Variants in PELI2 observed in about 807,000 individuals in gnomAD.
PELI2 encodes pellino E3 ubiquitin protein ligase family member 2.
Under a neutral mutation model 42.3 loss-of-function variants are expected in PELI2, and 23 were observed. The ratio of observed to expected loss-of-function variants is 0.54; its 90% CI spans 0.39 to 0.77. The LOEUF (loss-of-function observed/expected upper bound fraction) is 0.77, where lower values mean the gene tolerates loss of function less well. Ranked by LOEUF, PELI2 falls within the 30% of genes least tolerant of loss-of-function variation. PELI2 has a pLI of 0.00. For missense variants in PELI2, 463 were observed against 553.2 expected (o/e 0.84, Z 1.64); for synonymous variants, 245 against 212.2 (o/e 1.15, Z -1.34).
intron 5 of PELI2, 115 bp downstream of exon 5, chr14:56,290,571 A>G (rs1263355229): frequency 3.2e-6 from 2 of 627,426 alleles, no homozygotes; most frequent in Non-Finnish European, 5.0e-6. Flanking sequence ...AGCGCCATGT[A>G]CTGTAACTCA....
chr14:56,176,713 C>T (rs919190004), intron 1 of PELI2, among the ~76,000 whole-genome samples: 3 of 152,186 alleles, frequency 2.0e-5, no homozygotes, highest in Non-Finnish European at 2.9e-5. Context: ...GGGTCATTCT[C>T]AATCACATTA....
intron 2 of PELI2, among the ~76,000 whole-genome samples, chr14:56,267,350 G>C (rs1318198890): frequency 6.6e-6 from 1 of 152,076 alleles, no homozygotes; most frequent in African/African-American, 2.4e-5. Context: ...TTCAGATTAA[G>C]AAATAGATTC....
chr14:56,144,193 A>G (rs1884023583), intron 1 of PELI2, among the ~76,000 whole-genome samples: 1 of 152,220 alleles, frequency 6.6e-6, no homozygotes, highest in African/African-American at 2.4e-5. Context: ...TTACTACAGC[A>G]TATTTACTAC....
chr14:56,150,739 A>G (rs572802747), intron 1 of PELI2, among the ~76,000 whole-genome samples: 9 of 152,270 alleles, frequency 5.9e-5, no homozygotes, highest in African/African-American at 2.2e-4. Context: ...AAAAACGACA[A>G]AGAAGCCAAG....
intron 1 of PELI2, among the ~76,000 whole-genome samples, chr14:56,146,705 T>G (rs989400552): frequency 6.6e-6 from 1 of 152,310 alleles, no homozygotes; most frequent in Non-Finnish European, 1.5e-5. Flanking sequence ...TCTAGCACAG[T>G]CTTCATTACG....
intron 1 of PELI2, among the ~76,000 whole-genome samples, chr14:56,158,917 T>A (rs1321565613): frequency 6.6e-6 from 1 of 152,214 alleles, no homozygotes; most frequent in Non-Finnish European, 1.5e-5. Context: ...TAATATATAC[T>A]CATTTTTAAA....
chr14:56,210,850 T>C (rs1886688078), intron 2 of PELI2, among the ~76,000 whole-genome samples: 1 of 152,222 alleles, frequency 6.6e-6, no homozygotes, highest in African/African-American at 2.4e-5. Flanking sequence ...CTGTCTGACC[T>C]ATGGCTGAAC....
At chr14:56,274,420 G>T (rs1889218007) in intron 2 of PELI2, among the ~76,000 whole-genome samples, 1 of 152,148 alleles carries the variant, frequency 6.6e-6, no homozygotes, top group African/African-American at 2.4e-5. Flanking sequence ...ACAAATAAAA[G>T]ATTTAATTAT....
In PELI2 at chr14:56,262,856, A is replaced by G. The variant is rs79983020; in HGVS notation, c.208-16820A>G. Among the ~76,000 whole-genome samples, 1,049 of 152,328 alleles carry G rather than the reference A, an allele frequency of 6.9e-3. 10 individuals carry two copies. Among genetic ancestry groups the G allele is most frequent in the African/African-American group, 0.024 (1,009 of 41,556 alleles). On this transcript the variant is annotated intron_variant, in intron 2 of 5. Coordinates refer to ENST00000267460, the MANE Select transcript of PELI2 (RefSeq NM_021255.3). ...CTCTACCAAATACAGCCAGAATGTAAAAGTTTTAATATAGAATATGCTCAA... is the reference window on the plus strand; with the variant it reads ...CTCTACCAAATACAGCCAGAATGTAGAAGTTTTAATATAGAATATGCTCAA...
At chr14:56,167,512 T>C (rs1416508685) in intron 1 of PELI2, among the ~76,000 whole-genome samples, 2 of 152,218 alleles carry the variant, frequency 1.3e-5, no homozygotes, top group African/African-American at 4.8e-5. Flanking sequence ...GAATTTCTGC[T>C]AGATTTTTAA....
At chr14:56,294,495 A>G (rs1323124957) in intron 5 of PELI2, among the ~76,000 whole-genome samples, 2 of 152,208 alleles carry the variant, frequency 1.3e-5, no homozygotes, top group African/African-American at 2.4e-5. Flanking sequence ...CTGTACCCCA[A>G]GGGCAGCAGA....
At chr14:56,124,525 G>C (rs192484987) in intron 1 of PELI2, among the ~76,000 whole-genome samples, 67 of 152,304 alleles carry the variant, frequency 4.4e-4, no homozygotes, top group African/African-American at 1.5e-3. Context: ...TTTTGTCCCA[G>C]CCTCTTTGTG....
intron 2 of PELI2, among the ~76,000 whole-genome samples, chr14:56,218,691 G>A (rs1169324549): frequency 6.6e-6 from 1 of 152,020 alleles, no homozygotes; most frequent in African/African-American, 2.4e-5. Context: ...GTGCATGCAC[G>A]CACATGTGTG....
chr14:56,180,086 A>G lies in PELI2; in HGVS notation c.207+1622A>G, dbSNP rs1221921364. Among the ~76,000 whole-genome samples the G allele has an allele frequency of 3.3e-5, 5 of 152,088 alleles. No individual in the cohort carries two copies. Among genetic ancestry groups the G allele is most frequent in the African/African-American group, 1.2e-4 (5 of 41,418 alleles). ...CTTTTATACCTAGATTTTACTTCCA[A>G]GTTATTTAGATTATTAATCTTTTGA... On this transcript the variant is annotated intron_variant, in intron 2 of 5. Coordinates refer to ENST00000267460, the MANE Select transcript of PELI2 (RefSeq NM_021255.3). The surrounding 1 kb of genome is among the most constrained non-coding windows in gnomAD (Gnocchi z 4.4).
chr14:56,190,072 T>G (rs887904118), intron 2 of PELI2, among the ~76,000 whole-genome samples: 5 of 152,224 alleles, frequency 3.3e-5, no homozygotes, highest in African/African-American at 1.2e-4. Flanking sequence ...TTTTTTCGAA[T>G]TAGAGTTGGA....
chr14:56,287,030 G>C (rs1428994417), intron 3 of PELI2, among the ~76,000 whole-genome samples: 1 of 152,154 alleles, frequency 6.6e-6, no homozygotes, highest in Admixed American at 6.5e-5. Context: ...TTCTAGAAAA[G>C]AGTAATTTCT....
intron 3 of PELI2, among the ~76,000 whole-genome samples, chr14:56,286,077 T>G (rs1447834497): frequency 2.0e-5 from 3 of 152,194 alleles, no homozygotes; most frequent in Non-Finnish European, 4.4e-5. Context: ...GGGTTAAAAT[T>G]TAAAACAACA....
At chr14:56,188,363 A>G (rs1386589220) in intron 2 of PELI2, among the ~76,000 whole-genome samples, 2 of 152,146 alleles carry the variant, frequency 1.3e-5, no homozygotes, top group African/African-American at 4.8e-5. Context: ...TAGATAGTTT[A>G]TGTATCAGGT....
intron 1 of PELI2, among the ~76,000 whole-genome samples, chr14:56,178,066 G>A (rs966006483): frequency 2.0e-5 from 3 of 152,226 alleles, no homozygotes; most frequent in Admixed American, 2.0e-4. Context: ...TTTATACTCT[G>A]CCTCTTTCCA....
Sources: allele counts gnomAD v4.1 joint callset (sites outside exome capture counted in the v4.1 genomes callset), GRCh38; gene constraint gnomAD v4.1.1; non-coding constraint Gnocchi (gnomAD v3.1); transcripts MANE v1.5; gene names NCBI Gene and HGNC (gene_info 2026-07-23, HGNC 2026-07-21).